The following ARMC3 variants were observed in gnomAD, a reference collection of about 807,000 sequenced individuals.
The protein encoded by ARMC3 is armadillo repeat-containing protein 3.
A neutral mutation model predicts 90.3 loss-of-function variants in ARMC3; 74 were observed. The observed-to-expected ratio is 0.82, with a 90% confidence interval of 0.68 to 0.99. The LOEUF (loss-of-function observed/expected upper bound fraction) is 0.99, where lower values mean the gene tolerates loss of function less well. ARMC3 is among the 50% of genes least tolerant of loss of function. The pLI is 0.00. For synonymous variants in ARMC3, 334 were observed against 361.8 expected (o/e 0.92, Z 0.87); for missense variants, 958 against 1,042.8 (o/e 0.92, Z 1.12).
Position 22,981,375 on chromosome 10 carries a change from GA to G in ARMC3, c.956del (p.Lys319SerfsTer4). The stretch of plus-strand genomic sequence containing the variant: ...AAAACTTTTTCATGAACAAGAGGTT[GA>G]AAAGTGCCTTGTAGCCCTTTTGGGT... ...NRKLFHEQEV[E>X]KCLVALLGSE... On this transcript the variant is annotated frameshift_variant, in exon 9 of 19. Transcript: ENST00000298032. LOFTEE classifies it high-confidence loss of function. 4 of 1,611,030 alleles carry G rather than the reference GA, an allele frequency of 2.5e-6. No homozygotes were observed. The highest frequency in any genetic ancestry group is 3.4e-6 in the Non-Finnish European group (4 of 1,179,222).
intron 3 of ARMC3, among the ~76,000 whole-genome samples, chr10:22,954,674 G>GAAAAAAA (rs530210965): frequency 1.1e-5 from 1 of 89,064 alleles, no homozygotes. Flanking sequence ...CCTGTCTCAA[G>GAAAAAAA]AAAAAAAAAA....
At chr10:23,005,382 C>CA (rs1169093102) in intron 13 of ARMC3, among the ~76,000 whole-genome samples, 1 of 152,052 alleles carries the variant, frequency 6.6e-6, no homozygotes, top group Admixed American at 6.5e-5. Flanking sequence ...TTTAACGAGA[C>CA]AATTTCTTTT....
chr10:22,978,978 C>T (rs1051773656), intron 8 of ARMC3, among the ~76,000 whole-genome samples: 1 of 152,204 alleles, frequency 6.6e-6, no homozygotes, highest in African/African-American at 2.4e-5. Context: ...TAACATGCAT[C>T]TCAACTGTGG....
intron 14 of ARMC3, among the ~76,000 whole-genome samples, chr10:23,007,209 A>G (rs1337263492): frequency 1.3e-5 from 2 of 152,122 alleles, no homozygotes; most frequent in East Asian, 3.9e-4. Context: ...TTGACTCTAT[A>G]CTGCCAGTCA....
intron 16 of ARMC3, among the ~76,000 whole-genome samples, chr10:23,017,398 A>G (rs772874996): frequency 1.3e-5 from 2 of 152,186 alleles, no homozygotes; most frequent in Non-Finnish European, 2.9e-5. Flanking sequence ...TTCAAGTAAT[A>G]CTTAAAGTTA....
At chr10:23,025,663 A>T (rs1037334117) in intron 16 of ARMC3, among the ~76,000 whole-genome samples, 2 of 152,090 alleles carry the variant, frequency 1.3e-5, no homozygotes, top group Non-Finnish European at 2.9e-5. Flanking sequence ...CAAATCAACA[A>T]TCTGAGCTTC....
chr10:22,942,507 A>G (rs1834360474), intron 2 of ARMC3, among the ~76,000 whole-genome samples: 2 of 152,212 alleles, frequency 1.3e-5, no homozygotes, highest in African/African-American at 4.8e-5. Context: ...TTCTCCAGCT[A>G]CAATAACTAT....
chr10:23,031,311 G>A (rs1450026597), intron 17 of ARMC3: 2 of 156,568 alleles, frequency 1.3e-5, no homozygotes, highest in East Asian at 3.8e-4. Context: ...CTCTGTATAA[G>A]CCAGTGAAGT....
intron 18 of ARMC3, among the ~76,000 whole-genome samples, chr10:23,035,277 C>A (rs1370197650): frequency 6.6e-6 from 1 of 152,150 alleles, no homozygotes; most frequent in Non-Finnish European, 1.5e-5. Context: ...CTCATCTAAA[C>A]CTAATCTCCT....
At chr10:23,033,300 G>A (rs1485836990) in intron 18 of ARMC3, among the ~76,000 whole-genome samples, 1 of 151,912 alleles carries the variant, frequency 6.6e-6, no homozygotes, top group Non-Finnish European at 1.5e-5. Context: ...TATGGCGAGG[G>A]CCTCTGCTAG....
intron 11 of ARMC3, among the ~76,000 whole-genome samples, chr10:23,001,142 T>C (rs1837266534): frequency 6.6e-6 from 1 of 152,142 alleles, no homozygotes. Flanking sequence ...CACAGTGACA[T>C]GGGGGGGTCC....
rs147694082 is a variant in ARMC3 at position 23,006,922 on chromosome 10, C to T, written c.1770C>T (p.Leu590=). The T allele has an allele frequency of 1.2e-4, 193 of 1,614,008 alleles. 1 individual carries two copies. Among genetic ancestry groups the T allele is most frequent in the Non-Finnish European group, 8.9e-5 (105 of 1,179,952 alleles). ...CCAAACTGTTGCCTTTGAAGGAGCT[C>T]TGCTTACAAGAACCAAGTGACCTAC... ...PGTKLLPLKE[L]CLQEPSDLRA... Residue 590 remains leucine (L), a synonymous_variant, in exon 14 of 19, where the codon CTC becomes CTT. Transcript: ENST00000298032.
intron 16 of ARMC3, 118 bp downstream of exon 16, chr10:23,009,049 A>G: frequency 2.7e-6 from 2 of 729,284 alleles, no homozygotes; most frequent in African/African-American, 1.8e-5. Context: ...GACTCATGAG[A>G]TGAAATTTAA....
chr10:22,964,995 C>T (rs1835387882), intron 7 of ARMC3, among the ~76,000 whole-genome samples: 1 of 152,058 alleles, frequency 6.6e-6, no homozygotes, highest in African/African-American at 2.4e-5. Context: ...ACAAACCCAA[C>T]AATACAATGT....
chr10:23,029,488 T>A (rs1204129572), intron 16 of ARMC3, among the ~76,000 whole-genome samples: 1 of 152,180 alleles, frequency 6.6e-6, no homozygotes, highest in African/African-American at 2.4e-5. Flanking sequence ...ATTGTTTTTG[T>A]TTGACTCATT....
At chr10:23,003,184 G>C (rs1430848226) in intron 12 of ARMC3, 62 bp from the exon 13 acceptor site, 5 of 1,475,764 alleles carry the variant, frequency 3.4e-6, no homozygotes, top group Non-Finnish European at 4.6e-6. Flanking sequence ...CGGTATATAA[G>C]TGGAGACTCA....
intron 10 of ARMC3, among the ~76,000 whole-genome samples, chr10:22,993,610 CA>C (rs1229971577): frequency 1.3e-5 from 2 of 152,160 alleles, no homozygotes; most frequent in Non-Finnish European, 2.9e-5. Context: ...TTGATCTTCT[CA>C]GCACCGGAAA....
intron 8 of ARMC3, among the ~76,000 whole-genome samples, chr10:22,969,502 G>A (rs1835588549): frequency 6.6e-6 from 1 of 152,136 alleles, no homozygotes; most frequent in South Asian, 2.1e-4. Flanking sequence ...ATTTCTTCAG[G>A]ACAAAGCTTT....
chr10:23,008,911 C>T lies in ARMC3; in HGVS notation c.2025C>T (p.Ala675=), dbSNP rs1348224036. ...GAAATACTGTTCTCAGCAAAAGCGC[C>T]ACCAAAGAAAAAGGATGGAGGTAAG... ...SGRNTVLSKS[A]TKEKGWRKSK... is the part of the protein sequence containing the mutation. The change falls in exon 16 of 19, where the codon GCC becomes GCT. Residue 675 remains alanine, a synonymous_variant. Transcript: ENST00000298032. The T allele has an allele frequency of 6.2e-7, 1 of 1,613,258 alleles. No homozygotes were observed. Among genetic ancestry groups the T allele is most frequent in the Admixed American group, 1.7e-5 (1 of 59,972 alleles).
Sources: allele counts gnomAD v4.1 joint callset (sites outside exome capture counted in the v4.1 genomes callset), GRCh38; gene constraint gnomAD v4.1.1; transcripts MANE v1.5; gene names NCBI Gene and HGNC (gene_info 2026-07-23, HGNC 2026-07-21).